The following SH3BP4 variants were observed in gnomAD, a reference collection of about 807,000 sequenced individuals.
The protein encoded by SH3BP4 is SH3 domain binding protein 4.
In SH3BP4, 33 loss-of-function variants were observed where a neutral mutation model predicts 65.5. That is an observed-to-expected ratio of 0.50 (90% CI 0.38 to 0.67). The LOEUF (loss-of-function observed/expected upper bound fraction) is 0.67. Among genes scored for constraint, SH3BP4 ranks in the 30% least tolerant of loss-of-function variants. The pLI, the probability that SH3BP4 is intolerant of heterozygous loss-of-function variation, is 0.00. For missense variants in SH3BP4, 1,134 were observed against 1,261.4 expected, an observed-to-expected ratio of 0.90 and a Z score of 1.53; for synonymous variants, 552 against 545.5, an observed-to-expected ratio of 1.01 and a Z score of -0.17.
chr2:235,015,529 A>C (rs1365409813), intron 2 of SH3BP4, among the ~76,000 whole-genome samples: 1 of 152,222 alleles, frequency 6.6e-6, no homozygotes, highest in Non-Finnish European at 1.5e-5. Flanking sequence ...GCATGACTGC[A>C]GGGCTCTGTG....
chr2:235,022,500 G>A (rs6710794), intron 2 of SH3BP4, among the ~76,000 whole-genome samples: 3,150 of 152,086 alleles, frequency 0.021, 107 homozygotes, highest in African/African-American at 0.065. Context: ...CAGCCTGGGC[G>A]ACAGAGCGAG....
rs1695465029 is a variant in SH3BP4 at position 235,038,273 on chromosome 2, A to AATATATATTATATATAAT, written c.119-2598_119-2581dup. Among the ~76,000 whole-genome samples, 25 of 26,042 alleles carry AATATATATTATATATAAT rather than the reference A, an allele frequency of 9.6e-4. No individual in the cohort carries two copies. The South Asian group carries it at 0.032, about 34-fold the overall frequency. The allele number at this position is 26,042 out of a possible 152,430, so 17.1% of individuals were successfully genotyped here. On this transcript the variant is annotated intron_variant, in intron 3 of 5. Transcript: ENST00000392011. ...ATTATATATAATATATATTATATAT[A>AATATATATTATATATAAT]ATATATATTATATATAATATATATA... is the stretch of plus-strand genomic sequence containing the variant.
intron 2 of SH3BP4, among the ~76,000 whole-genome samples, chr2:234,996,388 G>A (rs1693920956): frequency 6.6e-6 from 1 of 152,178 alleles, no homozygotes; most frequent in South Asian, 2.1e-4. Flanking sequence ...TTTCTGTCCT[G>A]TCTCTTTGTT....
rs1038033094 is a variant in SH3BP4 at position 235,054,296 on chromosome 2, C to T, written c.*480C>T. On this transcript the variant is annotated 3_prime_UTR_variant, in exon 6 of 6. Coordinates refer to ENST00000392011, the MANE Select transcript of SH3BP4 (RefSeq NM_014521.3). ...TCAACACTCAGCCCGGAAAGATGCT[C>T]GTTCGGTTGTTGGACCTCTTTCACT... 7 of 155,528 alleles carry T rather than the reference C, an allele frequency of 4.5e-5. No homozygotes were observed. Among genetic ancestry groups the T allele is most frequent in the Non-Finnish European group, 1.0e-4 (7 of 69,966 alleles). 9.6% of individuals were successfully genotyped at this position (155,528 alleles called of 1,614,324 possible). A position where few individuals can be genotyped will look rare whatever the true frequency, so the allele number is the denominator to read the frequency against.
At chr2:235,036,740 A>AAATAATAAT (rs1553567054) in intron 3 of SH3BP4, among the ~76,000 whole-genome samples, 8,729 of 141,732 alleles carry the variant, frequency 0.062, 969 homozygotes, top group African/African-American at 0.22. Context: ...TCTATATAAA[A>AAATAATAAT]AATAATAATA....
Position 235,052,857 on chromosome 2 carries a change from G to A in SH3BP4, c.2667+107G>A. 2.8e-6 allele frequency: 3 copies of A among 1,078,590 alleles called. No homozygotes were observed. The South Asian group carries it at 4.8e-5, about 17-fold the overall frequency. The allele number at this position is 1,078,590 out of a possible 1,614,324, so 66.8% of individuals were successfully genotyped here. On this transcript the variant is annotated intron_variant, in intron 5 of 5. Transcript: ENST00000392011. This position sits in a 1 kb window ranked among gnomAD's most constrained non-coding sequence, Gnocchi z 5.0. ...TCTTGCCTCGCGGCATTTCTGTGAG[G>A]GTGCAACAGGTGGAAATGTGCACGC... is the stretch of plus-strand genomic sequence containing the variant.
chr2:234,961,214 A>C (rs570328128), intron 1 of SH3BP4, among the ~76,000 whole-genome samples: 35 of 152,334 alleles, frequency 2.3e-4, no homozygotes, highest in African/African-American at 8.4e-4. Context: ...ATCACACTCA[A>C]TGCCACTGTA....
chr2:235,047,536 G>A (rs559894757), intron 4 of SH3BP4, among the ~76,000 whole-genome samples: 10 of 152,340 alleles, frequency 6.6e-5, no homozygotes, highest in Admixed American at 3.3e-4. Context: ...ATTCAGCAGC[G>A]CCCTTTTGAT....
In SH3BP4 at chr2:234,992,977, G is replaced by A. The variant is rs951829289; in HGVS notation, c.-206-2326G>A. 7.2e-5 allele frequency among the ~76,000 whole-genome samples: 11 copies of A among 151,960 alleles called. No individual in the cohort carries two copies. The East Asian group carries it at 2.1e-3, about 30-fold the overall frequency. On this transcript the variant is annotated intron_variant, in intron 1 of 5. Coordinates refer to ENST00000392011, the MANE Select transcript of SH3BP4 (RefSeq NM_014521.3). ...GTCTGGGCAGCACCTGGAGATGGAT[G>A]TGTTCCTGCCATGTGGGCTCTGGGT...
intron 1 of SH3BP4, among the ~76,000 whole-genome samples, chr2:234,958,770 G>C (rs1035248990): frequency 6.6e-6 from 1 of 152,062 alleles, no homozygotes; most frequent in Non-Finnish European, 1.5e-5. Flanking sequence ...ATTTATGAAC[G>C]GGAGGACTGG....
intron 2 of SH3BP4, among the ~76,000 whole-genome samples, chr2:235,000,112 C>A (rs1036376399): frequency 6.6e-6 from 1 of 152,152 alleles, no homozygotes; most frequent in African/African-American, 2.4e-5. Flanking sequence ...TGTGCCTGGG[C>A]CAGGCAGCGA....
At chr2:235,005,216 ATGTCTGTCTGTC>A (rs1005392917) in intron 2 of SH3BP4, among the ~76,000 whole-genome samples, 2 of 152,032 alleles carry the variant, frequency 1.3e-5, no homozygotes, top group African/African-American at 4.8e-5. Context: ...TGTGCTGGCC[ATGTCTGTCTGTC>A]TGTCTGTCTG....
chr2:234,999,090 A>G (rs1028434578), intron 2 of SH3BP4, among the ~76,000 whole-genome samples: 4 of 152,218 alleles, frequency 2.6e-5, no homozygotes, highest in African/African-American at 9.6e-5. Flanking sequence ...CTGCAAATGC[A>G]CGTTGGTGAG....
intron 2 of SH3BP4, among the ~76,000 whole-genome samples, chr2:235,007,788 G>C (rs552191066): frequency 6.6e-6 from 1 of 152,330 alleles, no homozygotes; most frequent in East Asian, 1.9e-4. Context: ...GGGTAGTGCT[G>C]AGGAGGCAGG....
chr2:235,018,323 C>T (rs1264222104), intron 2 of SH3BP4, among the ~76,000 whole-genome samples: 4 of 150,828 alleles, frequency 2.7e-5, no homozygotes, highest in Non-Finnish European at 5.9e-5. Context: ...AACAGCAGTC[C>T]CTGTGCCTAT....
rs1354205394 is a variant in SH3BP4 at position 235,046,652 on chromosome 2, A to G, written c.2478+3405A>G. ...TTTCTCATTATTACTCTAACTGAACATAGGTCCCATGAGAGGAAGGGCCCC... is the reference window on the plus strand; with the variant it reads ...TTTCTCATTATTACTCTAACTGAACGTAGGTCCCATGAGAGGAAGGGCCCC... On this transcript the variant is annotated intron_variant, in intron 4 of 5. Coordinates refer to ENST00000392011, the MANE Select transcript of SH3BP4 (RefSeq NM_014521.3). The surrounding 1 kb of genome is among the most constrained non-coding windows in gnomAD (Gnocchi z 4.2). Among the ~76,000 whole-genome samples, 3 of 152,192 alleles carry G rather than the reference A, an allele frequency of 2.0e-5. No homozygotes were observed. Among genetic ancestry groups the G allele is most frequent in the African/African-American group, 7.2e-5 (3 of 41,446 alleles).
rs78805276 is a variant in SH3BP4 at position 235,030,062 on chromosome 2, C to T, written c.-132-4809C>T. ...TCGGCAATATGTAACCCTGGAGGTA[C>T]AGGTGGAGACTGAGTAGTGGGGGTC... is the stretch of plus-strand genomic sequence containing the variant. On this transcript the variant is annotated intron_variant, in intron 2 of 5. Transcript: ENST00000392011. This position sits in a 1 kb window ranked among gnomAD's most constrained non-coding sequence, Gnocchi z 4.1. Among the ~76,000 whole-genome samples, 41 of 152,292 alleles carry T rather than the reference C, an allele frequency of 2.7e-4. No homozygotes were observed. The East Asian group carries it at 7.5e-3, about 28-fold the overall frequency.
At position 234,975,533 on chromosome 2, in the gene SH3BP4, C is replaced by A. The variant is rs1468371566; in HGVS notation, c.-206-19770C>A. Among the ~76,000 whole-genome samples, 3 of 152,184 alleles carry A rather than the reference C, an allele frequency of 2.0e-5. No homozygotes were observed. The East Asian group carries it at 5.8e-4, about 29-fold the overall frequency. On this transcript the variant is annotated intron_variant, in intron 1 of 5. Coordinates refer to ENST00000392011, the MANE Select transcript of SH3BP4 (RefSeq NM_014521.3). The stretch of plus-strand genomic sequence containing the variant: ...TGGCTTCATTTCATATATGGGGAAA[C>A]TGAGGCACCGAGCAGTTCGCTCAAG...
At chr2:235,038,373 ATAC>A (rs1422151157) in intron 3 of SH3BP4, among the ~76,000 whole-genome samples, 626 of 41,792 alleles carry the variant, frequency 0.015, 49 homozygotes, top group African/African-American at 0.069. Flanking sequence ...TATAATATAT[ATAC>A]ATATATATAT....
Sources: allele counts gnomAD v4.1 joint callset (sites outside exome capture counted in the v4.1 genomes callset), GRCh38; gene constraint gnomAD v4.1.1; non-coding constraint Gnocchi (gnomAD v3.1); transcripts MANE v1.5; gene names NCBI Gene and HGNC (gene_info 2026-07-23, HGNC 2026-07-21).